MTHFSD: variants seen among roughly 807,000 people sequenced by gnomAD.
MTHFSD encodes methenyltetrahydrofolate synthetase domain containing.
A neutral mutation model predicts 31.1 loss-of-function variants in MTHFSD; 37 were observed. That is an observed-to-expected ratio of 1.19 (90% CI 0.91 to 1.56). The LOEUF is 1.56. Ranked by LOEUF, MTHFSD falls within the 40% of genes most tolerant of loss-of-function variation. MTHFSD has a pLI of 0.00. For synonymous variants in MTHFSD, 221 were observed against 206.9 expected (o/e 1.07, Z -0.59); for missense variants, 664 against 510.1 (o/e 1.30, Z -2.91).
chr16:86,548,445 C>A lies in MTHFSD; in HGVS notation c.351+19G>T. The stretch of plus-strand genomic sequence containing the variant: ...GGTACAGTTCTTTCCTAGGTGGGGA[C>A]ATTGCTTCTGGTACTTACCTGAGAG... On this transcript the variant is annotated intron_variant, in intron 4 of 7. Coordinates refer to ENST00000360900, the MANE Select transcript of MTHFSD (RefSeq NM_001159377.2). 6.3e-7 allele frequency: 1 copy of A among 1,584,650 alleles called. No homozygotes were observed. The highest frequency in any genetic ancestry group is 8.7e-7 in the Non-Finnish European group (1 of 1,153,910).
intron 7 of MTHFSD, among the ~76,000 whole-genome samples, chr16:86,537,255 C>T (rs1970832110): frequency 6.6e-6 from 1 of 152,192 alleles, no homozygotes; most frequent in Non-Finnish European, 1.5e-5. Flanking sequence ...TATTTCCTCG[C>T]CGTCTTTTCT....
At chr16:86,549,666 C>G (rs904432179) in intron 3 of MTHFSD, among the ~76,000 whole-genome samples, 2 of 152,206 alleles carry the variant, frequency 1.3e-5, no homozygotes, top group Admixed American at 6.5e-5. Context: ...CACCAGCAAG[C>G]TTTAAGAATT....
rs1430635178 is a variant in MTHFSD, at chr16:86,530,516, A to G, written c.*1495T>C. 1 of 152,118 alleles carries G rather than the reference A, an allele frequency of 6.6e-6. No homozygotes were observed. The highest frequency in any genetic ancestry group is 1.5e-5 in the Non-Finnish European group (1 of 68,038). 9.4% of individuals were successfully genotyped at this position (152,118 alleles called of 1,614,324 possible). A position where few individuals can be genotyped will look rare whatever the true frequency, so the allele number is the denominator to read the frequency against. On this transcript the variant is annotated 3_prime_UTR_variant, in exon 8 of 8. Coordinates refer to ENST00000360900, the MANE Select transcript of MTHFSD (RefSeq NM_001159377.2). ...TGCTCCTGTCTGCAGGGCTGTGCCCACTGCCGGTGGGGCAGGGAGTGGAGA... is the reference window on the plus strand; with the variant it reads ...TGCTCCTGTCTGCAGGGCTGTGCCCGCTGCCGGTGGGGCAGGGAGTGGAGA...
chr16:86,549,035 G>A (rs952341502), intron 3 of MTHFSD, among the ~76,000 whole-genome samples: 1 of 152,220 alleles, frequency 6.6e-6, no homozygotes, highest in Non-Finnish European at 1.5e-5. Context: ...TAGTTTGACT[G>A]TTCAGCAAAT....
chr16:86,542,048 C>G lies in MTHFSD; in HGVS notation c.555+53G>C. 2 of 1,531,790 alleles carry G rather than the reference C, an allele frequency of 1.3e-6. No individual in the cohort carries two copies. Among genetic ancestry groups the G allele is most frequent in the Non-Finnish European group, 1.8e-6 (2 of 1,111,380 alleles). 94.9% of individuals were successfully genotyped at this position (1,531,790 alleles called of 1,614,324 possible). A position where few individuals can be genotyped will look rare whatever the true frequency, so the allele number is the denominator to read the frequency against. On this transcript the variant is annotated intron_variant, in intron 6 of 7. Coordinates refer to ENST00000360900, the MANE Select transcript of MTHFSD (RefSeq NM_001159377.2). This position sits in a 1 kb window ranked among gnomAD's most constrained non-coding sequence, Gnocchi z 4.6. ...GATGAGTCTCCTTCCCCACCCCCTG[C>G]TCCCTCAGAAGAGAATGGCAGTGGC...
Position 86,532,099 on chromosome 16 carries a change from G to T in MTHFSD, c.1064C>A (p.Ala355Asp). Residue 355 changes from alanine to aspartate, a missense_variant, in exon 8 of 8, where the codon GCC (alanine) becomes GAC (aspartate). Transcript: ENST00000360900. Reference protein sequence around the residue: ...AFLHYPDSAAAQQAVSCLQGL... With the variant: ...AFLHYPDSAADQQAVSCLQGL... Reference sequence around the variant, plus strand: ...CTGCAAGCAGGAGACGGCCTGCTGGGCTGCGGCAGAGTCCGGGTAATGGAG... The same window carrying T: ...CTGCAAGCAGGAGACGGCCTGCTGGTCTGCGGCAGAGTCCGGGTAATGGAG... The T allele has an allele frequency of 6.5e-7, 1 of 1,538,176 alleles. No homozygotes were observed. The highest frequency in any genetic ancestry group is 2.0e-5 in the Admixed American group (1 of 50,816).
rs568921243 is a variant in MTHFSD, at chr16:86,542,679, C to G, written c.443-466G>C. On this transcript the variant is annotated intron_variant, in intron 5 of 7. Coordinates refer to ENST00000360900, the MANE Select transcript of MTHFSD (RefSeq NM_001159377.2). The surrounding 1 kb of genome is among the most constrained non-coding windows in gnomAD (Gnocchi z 4.6). ...GCATGGCCTTGTTTCTTCAAAAGCA[C>G]TGAATACTCACCACTAGATACCAGG... 2 of 159,180 alleles carry G rather than the reference C, an allele frequency of 1.3e-5. No homozygotes were observed. Among genetic ancestry groups the G allele is most frequent in the Non-Finnish European group, 2.8e-5 (2 of 72,700 alleles). The allele number at this position is 159,180 out of a possible 1,614,324, so 9.9% of individuals were successfully genotyped here. A position where few individuals can be genotyped will look rare whatever the true frequency, so the allele number is the denominator to read the frequency against.
chr16:86,533,825 A>G (rs995760476), intron 7 of MTHFSD: 4 of 152,254 alleles, frequency 2.6e-5, no homozygotes, highest in Admixed American at 2.6e-4. Context: ...TTAAAGATAC[A>G]CAAAAACCTA....
chr16:86,554,728 G>A lies in MTHFSD; in HGVS notation c.40C>T (p.Arg14Cys), dbSNP rs746575379. The part of the protein sequence containing the change: ...RAVGVSKQDI[R>C]EQIWGYMESQ... Reference sequence around the variant, plus strand: ...TCCATGTAGCCCCAAATTTGTTCACGTATGTCCTGTTTGGAGACACCTACT... The same window carrying A: ...TCCATGTAGCCCCAAATTTGTTCACATATGTCCTGTTTGGAGACACCTACT... The change falls in exon 2 of 8, where the codon CGT becomes TGT. Residue 14 changes from arginine to cysteine, a missense_variant. Coordinates refer to ENST00000360900, the MANE Select transcript of MTHFSD (RefSeq NM_001159377.2). The A allele has an allele frequency of 1.2e-6, 2 of 1,614,002 alleles. No homozygotes were observed. Among genetic ancestry groups the A allele is most frequent in the South Asian group, 1.1e-5 (1 of 91,066 alleles).
chr16:86,554,100 A>C (rs904392440), intron 2 of MTHFSD, among the ~76,000 whole-genome samples: 1 of 152,138 alleles, frequency 6.6e-6, no homozygotes, highest in South Asian at 2.1e-4. Flanking sequence ...TGCCTGAACC[A>C]GCAGCAACAA....
Position 86,532,256 on chromosome 16 carries a change from G to A in MTHFSD, c.907C>T (p.Pro303Ser). The A allele has an allele frequency of 6.4e-7, 1 of 1,569,712 alleles. No individual in the cohort carries two copies. Among genetic ancestry groups the A allele is most frequent in the Non-Finnish European group, 8.6e-7 (1 of 1,159,174 alleles). The change falls in exon 8 of 8, where the codon CCG becomes TCG. Residue 303 changes from proline (P) to serine (S), a missense_variant. Pro to Ser is a moderately conservative substitution (Grantham distance 74, BLOSUM62 -1). Transcript: ENST00000360900. The part of the protein sequence containing the change: ...APGSPPGEGA[P>S]LAADVYVGNL... The stretch of plus-strand genomic sequence containing the variant: ...CCAACGTAAACATCGGCTGCAAGCG[G>A]GGCACCCTCCCCTGGTGGGGAGCCA...
At position 86,542,214 on chromosome 16, in the gene MTHFSD, C is replaced by T. The variant is rs765725269; in HGVS notation, c.443-1G>A. The T allele has an allele frequency of 6.2e-7, 1 of 1,612,216 alleles. No individual in the cohort carries two copies. Reference sequence around the variant, plus strand: ...CCTTCTCCCTTCCCGATTCTCCAGCCTAAGAGACAACCGAGAATCAGTATC... The same window carrying T: ...CCTTCTCCCTTCCCGATTCTCCAGCTTAAGAGACAACCGAGAATCAGTATC... On this transcript the variant is annotated splice_acceptor_variant, in intron 5 of 7. Coordinates refer to ENST00000360900, the MANE Select transcript of MTHFSD (RefSeq NM_001159377.2). LOFTEE classifies it high-confidence loss of function. This position sits in a 1 kb window ranked among gnomAD's most constrained non-coding sequence, Gnocchi z 4.6.
At chr16:86,548,063 A>G in intron 4 of MTHFSD, 1 of 1,290,450 alleles carries the variant, frequency 7.7e-7, no homozygotes, top group South Asian at 1.2e-5. Flanking sequence ...TTTCCAATGG[A>G]GCATGTTTTG....
At chr16:86,548,177 A>G (rs1487813376) in intron 4 of MTHFSD, 3 of 1,222,104 alleles carry the variant, frequency 2.5e-6, no homozygotes, top group Admixed American at 2.6e-5. Context: ...AACACCGGGC[A>G]GTGCCAGAGA....
chr16:86,554,393 C>T lies in MTHFSD; in HGVS notation c.123+252G>A, dbSNP rs182358881. On this transcript the variant is annotated intron_variant, in intron 2 of 7. Transcript: ENST00000360900. ...GAAGTCAGTGAGACCAAGAACCCAC[C>T]AATTCTGGACACAACCTCACCTAGA... Among the ~76,000 whole-genome samples, 7 of 152,266 alleles carry T rather than the reference C, an allele frequency of 4.6e-5. No homozygotes were observed. In the East Asian group the frequency reaches 9.7e-4, roughly 21 times the overall value.
intron 4 of MTHFSD, chr16:86,548,082 ATCCTGTCTCCCCAG>A (rs1567549945): frequency 1.5e-6 from 2 of 1,291,624 alleles, no homozygotes; most frequent in East Asian, 1.1e-4. Context: ...TGGAAATTCT[ATCCTGTCTCCCCAG>A]TCGCTCTGGT....
At position 86,531,121 on chromosome 16, in the gene MTHFSD, T is replaced by A. The variant is rs913310947; in HGVS notation, c.*890A>T. 1 of 152,154 alleles carries A rather than the reference T, an allele frequency of 6.6e-6. No individual in the cohort carries two copies. Among genetic ancestry groups the A allele is most frequent in the Non-Finnish European group, 1.5e-5 (1 of 68,024 alleles). 9.4% of individuals were successfully genotyped at this position (152,154 alleles called of 1,614,324 possible). On this transcript the variant is annotated 3_prime_UTR_variant, in exon 8 of 8. Transcript: ENST00000360900. This position sits in a 1 kb window ranked among gnomAD's most constrained non-coding sequence, Gnocchi z 5.5. ...TCAAAATTTCCAAAGCATATACATTTGAAAAAAACAAAATCTCCACTTAAA... is the reference window on the plus strand; with the variant it reads ...TCAAAATTTCCAAAGCATATACATTAGAAAAAAACAAAATCTCCACTTAAA...
intron 3 of MTHFSD, 140 bp downstream of exon 3, chr16:86,551,893 C>G: frequency 6.8e-7 from 1 of 1,473,722 alleles, no homozygotes; most frequent in Non-Finnish European, 9.0e-7. Context: ...AAATCACCAC[C>G]AAGGGCACTT....
In MTHFSD at chr16:86,555,195, T is replaced by A. The variant is rs1973928847; in HGVS notation, c.-11A>T. The A allele has an allele frequency of 2.6e-6, 4 of 1,536,834 alleles. No individual in the cohort carries two copies. The highest frequency in any genetic ancestry group is 3.5e-6 in the Non-Finnish European group (4 of 1,146,558). ...TGCCCTCGGCTCCATGGTGATGCAG[T>A]CGCTGTGCGACGCTTCCCGGCGCAG... On this transcript the variant is annotated 5_prime_UTR_variant, in exon 1 of 8. Transcript: ENST00000360900.
Sources: gnomAD v4.1 joint callset for allele counts (sites outside exome capture counted in the v4.1 genomes callset) on GRCh38, gnomAD v4.1.1 for gene constraint, Gnocchi (gnomAD v3.1) non-coding constraint, MANE v1.5 for transcripts, NCBI Gene and HGNC (gene_info 2026-07-23, HGNC 2026-07-21) for gene names.